Variants in U2AF2 observed in about 807,000 individuals in gnomAD.
The protein encoded by U2AF2 is U2 small nuclear RNA auxiliary factor 2, also known as splicing factor U2AF 65 kDa subunit.
U2AF2 carries 6 observed loss-of-function variants against 52.6 expected under a neutral mutation model. That is an observed-to-expected ratio of 0.11 (90% confidence interval 0.06 to 0.23). The LOEUF (loss-of-function observed/expected upper bound fraction) is 0.23. Among genes scored for constraint, U2AF2 ranks in the 10% least tolerant of loss-of-function variants. U2AF2 has a pLI of 1.00. For synonymous variants in U2AF2, 284 were observed against 258.2 expected (o/e 1.10, Z -0.96); for missense variants, 222 against 677.1 (o/e 0.33, Z 7.46).
chr19:55,667,013 G>A (rs2123689360), intron 7 of U2AF2, among the ~76,000 whole-genome samples: 1 of 152,322 alleles, frequency 6.6e-6, no homozygotes, highest in South Asian at 2.1e-4. Context: ...CCTGGCCCAT[G>A]GGGTGAGTGC....
intron 5 of U2AF2, among the ~76,000 whole-genome samples, chr19:55,661,479 G>A (rs1440189782): frequency 7.0e-6 from 1 of 143,590 alleles, no homozygotes; most frequent in African/African-American, 2.6e-5. Flanking sequence ...GTGTCGGAGA[G>A]AGACAGAGAG....
intron 1 of U2AF2, among the ~76,000 whole-genome samples, chr19:55,656,357 G>A (rs1435660258): frequency 6.6e-6 from 1 of 152,184 alleles, no homozygotes; most frequent in Non-Finnish European, 1.5e-5. Context: ...GTGTCCTGGG[G>A]AAGCAATAAC....
At chr19:55,672,626 C>T (rs1984991352) in intron 11 of U2AF2, among the ~76,000 whole-genome samples, 1 of 152,068 alleles carries the variant, frequency 6.6e-6, no homozygotes, top group African/African-American at 2.4e-5. Context: ...AACCAGATAA[C>T]CTTAAAAAAT....
At chr19:55,662,340 T>C in intron 5 of U2AF2, 162 bp from the exon 6 acceptor site, 1 of 467,152 alleles carries the variant, frequency 2.1e-6, no homozygotes, top group Non-Finnish European at 3.8e-6. Flanking sequence ...TATTGACTTC[T>C]ACACCCCCAC....
At chr19:55,661,383 C>T in intron 5 of U2AF2, 194 bp downstream of exon 5, 1 of 537,350 alleles carries the variant, frequency 1.9e-6, no homozygotes, top group Non-Finnish European at 3.2e-6. Context: ...CCCTCCTCTT[C>T]CCCTCTCCCG....
intron 11 of U2AF2, chr19:55,671,344 T>G (rs1984907226): frequency 4.2e-5 from 2 of 47,478 alleles, no homozygotes; most frequent in Non-Finnish European, 7.8e-5. Context: ...GCTCTGATGG[T>G]GGGGATGGCA....
intron 7 of U2AF2, among the ~76,000 whole-genome samples, chr19:55,664,406 T>G (rs1984413139): frequency 6.6e-6 from 1 of 152,212 alleles, no homozygotes; most frequent in Admixed American, 6.5e-5. Flanking sequence ...TGGTCTCCCT[T>G]TAGAAAGCTT....
In U2AF2 at chr19:55,660,517, C is replaced by CCCCCT; in HGVS notation, c.232_233insCCCCT (p.Arg78ProfsTer50). 1.0e-6 allele frequency: 1 copy of CCCCCT among 968,844 alleles called. No individual in the cohort carries two copies. 60.0% of individuals were successfully genotyped at this position (968,844 alleles called of 1,614,324 possible). Reference sequence around the variant, plus strand: ...GCTCTCCCCTCCCACCTCCCCCAGTCGTTCCCCCCGCCACGAGAAGAAGAA... The same window carrying CCCCCT: ...GCTCTCCCCTCCCACCTCCCCCAGTCCCCCTGTTCCCCCCGCCACGAGAAGAAGAA... On this transcript the variant is annotated frameshift_variant and splice_region_variant, in exon 4 of 12. Coordinates refer to ENST00000308924, the MANE Select transcript of U2AF2 (RefSeq NM_007279.3). LOFTEE classifies it high-confidence loss of function.
intron 1 of U2AF2, among the ~76,000 whole-genome samples, chr19:55,658,517 G>GA (rs1229173207): frequency 6.6e-6 from 1 of 152,178 alleles, no homozygotes; most frequent in Non-Finnish European, 1.5e-5. Context: ...ACTTGGCTTT[G>GA]AAGGGAGTGA....
In U2AF2 at chr19:55,665,554, T is replaced by A. The variant is rs546860074; in HGVS notation, c.742+1810T>A. Among the ~76,000 whole-genome samples the A allele has an allele frequency of 4.5e-3, 684 of 151,834 alleles. 2 individuals carry two copies. Among genetic ancestry groups the A allele is most frequent in the African/African-American group, 0.016 (660 of 41,296 alleles). The stretch of plus-strand genomic sequence containing the variant: ...AGTTCTACGACACAGGGATTGGCGC[T>A]GTCCTAAGTGCCCTCCATGCACGGC... On this transcript the variant is annotated intron_variant, in intron 7 of 11. Coordinates refer to ENST00000308924, the MANE Select transcript of U2AF2 (RefSeq NM_007279.3).
chr19:55,659,189 C>A, intron 1 of U2AF2, 21 bp from the exon 2 acceptor site: 1 of 1,530,468 alleles, frequency 6.5e-7, no homozygotes, highest in East Asian at 2.5e-5. Context: ...ATCCCGTGCC[C>A]CTCCTCTCAC....
chr19:55,657,467 C>T (rs940445872), intron 1 of U2AF2, among the ~76,000 whole-genome samples: 4 of 152,294 alleles, frequency 2.6e-5, no homozygotes, highest in South Asian at 2.1e-4. Flanking sequence ...ATATCCCAGG[C>T]ACCCAGCGGG....
chr19:55,663,028 GTC>G (rs1984317611), intron 6 of U2AF2, among the ~76,000 whole-genome samples: 1 of 151,918 alleles, frequency 6.6e-6, no homozygotes, highest in African/African-American at 2.4e-5. Context: ...AGTCTTCTGT[GTC>G]TGTGTTTCTC....
intron 1 of U2AF2, among the ~76,000 whole-genome samples, chr19:55,655,625 G>GA (rs1983740411): frequency 6.6e-6 from 1 of 152,214 alleles, no homozygotes; most frequent in Non-Finnish European, 1.5e-5. Flanking sequence ...GAACTTGGTG[G>GA]GGGGGCCCCT....
At chr19:55,662,346 C>T in intron 5 of U2AF2, 156 bp from the exon 6 acceptor site, 3 of 405,906 alleles carry the variant, frequency 7.4e-6, no homozygotes. Context: ...CTTCTACACC[C>T]CCACCCATAT....
intron 1 of U2AF2, among the ~76,000 whole-genome samples, chr19:55,656,575 G>C (rs998742860): frequency 6.6e-6 from 1 of 152,218 alleles, no homozygotes; most frequent in African/African-American, 2.4e-5. Context: ...AGTAACGATA[G>C]ATGTAGTTAA....
At chr19:55,660,706 AG>A in intron 4 of U2AF2, 87 bp downstream of exon 4, 2 of 1,298,214 alleles carry the variant, frequency 1.5e-6, no homozygotes, top group African/African-American at 1.5e-5. Context: ...GTGTGCTTGG[AG>A]GGGGTCAAAG....
At chr19:55,669,278 A>G (rs2123693416) in intron 10 of U2AF2, 97 bp downstream of exon 10, 1 of 1,559,512 alleles carries the variant, frequency 6.4e-7, no homozygotes, top group Non-Finnish European at 8.7e-7. Context: ...CTTTCATGGG[A>G]AGGCATTTGG....
At chr19:55,663,861 G>C in intron 7 of U2AF2, 117 bp downstream of exon 7, 2 of 1,471,526 alleles carry the variant, frequency 1.4e-6, no homozygotes, top group Non-Finnish European at 1.8e-6. Context: ...GTGGAAGATA[G>C]GTGCCTTTTC....
Sources: gnomAD v4.1 joint callset for allele counts (sites outside exome capture counted in the v4.1 genomes callset) on GRCh38, gnomAD v4.1.1 for gene constraint, MANE v1.5 for transcripts, NCBI Gene and HGNC (gene_info 2026-07-23, HGNC 2026-07-21) for gene names.